NALF1: variants seen among roughly 807,000 people sequenced by gnomAD.
NALF1 encodes the protein family with sequence similarity 155 member A.
A neutral mutation model predicts 48.4 loss-of-function variants in NALF1; 3 were observed. The ratio of observed to expected loss-of-function variants is 0.06; its 90% CI spans 0.03 to 0.16. The LOEUF is 0.16. NALF1 is among the 10% of genes least tolerant of loss of function. NALF1 has a pLI of 1.00. For missense variants in NALF1, 526 were observed against 571.5 expected (o/e 0.92, Z 0.81); for synonymous variants, 262 against 245.7 (o/e 1.07, Z -0.62).
rs554216478 is a variant in NALF1 at position 107,362,243 on chromosome 13, A to G, written c.916-151488T>C. On this transcript the variant is annotated intron_variant, in intron 1 of 2. Transcript: ENST00000375915. This position sits in a 1 kb window ranked among gnomAD's most constrained non-coding sequence, Gnocchi z 4.6. ...GGTGACAGCTTTATGATATTCATGT[A>G]AACAGGAAGGAATAGTTGTATTCAT... 1.4e-4 allele frequency among the ~76,000 whole-genome samples: 21 copies of G among 152,278 alleles called. No individual in the cohort carries two copies. The South Asian group carries it at 4.4e-3, about 32-fold the overall frequency.
chr13:107,655,745 C>T (rs1454584244), intron 1 of NALF1, among the ~76,000 whole-genome samples: 3 of 151,940 alleles, frequency 2.0e-5, no homozygotes, highest in African/African-American at 7.3e-5. Flanking sequence ...CATCACATTA[C>T]CTGATTTCAA....
chr13:107,559,576 C>G (rs1877584364), intron 1 of NALF1, among the ~76,000 whole-genome samples: 1 of 152,116 alleles, frequency 6.6e-6, no homozygotes, highest in Non-Finnish European at 1.5e-5. Flanking sequence ...TATACGGTGT[C>G]CCTGTGCATC....
intron 1 of NALF1, among the ~76,000 whole-genome samples, chr13:107,696,883 T>C (rs1425089172): frequency 6.6e-6 from 1 of 152,160 alleles, no homozygotes; most frequent in African/African-American, 2.4e-5. Flanking sequence ...TACTTTTACA[T>C]TCATATACAT....
intron 1 of NALF1, among the ~76,000 whole-genome samples, chr13:107,794,128 T>C (rs1042242914): frequency 2.0e-5 from 3 of 152,212 alleles, no homozygotes; most frequent in Non-Finnish European, 4.4e-5. Context: ...AATTTATATG[T>C]AACCTACAGC....
At chr13:107,548,824 G>C (rs1332175063) in intron 1 of NALF1, among the ~76,000 whole-genome samples, 1 of 151,884 alleles carries the variant, frequency 6.6e-6, no homozygotes, top group African/African-American at 2.4e-5. Flanking sequence ...ACGTGTGTGT[G>C]TGTGTTTGTA....
At chr13:107,467,124 A>G (rs1349445825) in intron 1 of NALF1, among the ~76,000 whole-genome samples, 1 of 152,154 alleles carries the variant, frequency 6.6e-6, no homozygotes, top group African/African-American at 2.4e-5. Flanking sequence ...TTAATTCAAC[A>G]TATTCTTGAA....
chr13:107,764,697 T>G (rs1877374065), intron 1 of NALF1, among the ~76,000 whole-genome samples: 1 of 152,152 alleles, frequency 6.6e-6, no homozygotes, highest in South Asian at 2.1e-4. Flanking sequence ...GAGAAGTCTC[T>G]CCTATCATAA....
At chr13:107,755,134 T>C (rs1488000137) in intron 1 of NALF1, among the ~76,000 whole-genome samples, 1 of 152,180 alleles carries the variant, frequency 6.6e-6, no homozygotes, top group Non-Finnish European at 1.5e-5. Flanking sequence ...TGTTATTTTT[T>C]TTTTGCTTGT....
At chr13:107,299,681 CTTAT>C (rs59861743) in intron 1 of NALF1, among the ~76,000 whole-genome samples, 41,752 of 148,032 alleles carry the variant, frequency 0.28, 6,219 homozygotes, top group African/African-American at 0.31. Context: ...AGAACTGTTC[CTTAT>C]TTATTTATTT....
intron 1 of NALF1, among the ~76,000 whole-genome samples, chr13:107,677,963 G>C (rs899367775): frequency 3.3e-5 from 5 of 152,108 alleles, no homozygotes; most frequent in African/African-American, 1.2e-4. Flanking sequence ...AACGTCCATA[G>C]CATATTTCTG....
intron 1 of NALF1, among the ~76,000 whole-genome samples, chr13:107,369,056 A>G (rs9583168): frequency 0.022 from 3,363 of 152,296 alleles, 111 homozygotes; most frequent in African/African-American, 0.077. Flanking sequence ...TTGTGTGTCA[A>G]AAATTCCCAA....
intron 1 of NALF1, among the ~76,000 whole-genome samples, chr13:107,738,458 C>G (rs1197528366): frequency 6.6e-6 from 1 of 152,132 alleles, no homozygotes; most frequent in African/African-American, 2.4e-5. Context: ...TCTCCCCGTT[C>G]CCTTGTCCCC....
intron 1 of NALF1, among the ~76,000 whole-genome samples, chr13:107,315,667 C>T (rs943465622): frequency 6.6e-6 from 1 of 151,930 alleles, no homozygotes; most frequent in Non-Finnish European, 1.5e-5. Context: ...GTCTTCCACC[C>T]TTACCAAGAG....
chr13:107,775,802 T>C (rs893919441), intron 1 of NALF1, among the ~76,000 whole-genome samples: 4 of 152,092 alleles, frequency 2.6e-5, no homozygotes, highest in Admixed American at 6.5e-5. Context: ...TACAACAATA[T>C]AGAAAAGTAT....
chr13:107,547,290 T>C (rs1653948721), intron 1 of NALF1, among the ~76,000 whole-genome samples: 1 of 152,148 alleles, frequency 6.6e-6, no homozygotes, highest in African/African-American at 2.4e-5. Context: ...ACTGTTCTAT[T>C]GAAACTGAAA....
intron 1 of NALF1, among the ~76,000 whole-genome samples, chr13:107,722,206 T>C (rs554154599): frequency 6.6e-6 from 1 of 152,210 alleles, no homozygotes; most frequent in South Asian, 2.1e-4. Context: ...CTCATATCCT[T>C]TCTGTATTCA....
chr13:107,843,085 G>A (rs1379152770), intron 1 of NALF1, among the ~76,000 whole-genome samples: 2 of 152,190 alleles, frequency 1.3e-5, no homozygotes, highest in East Asian at 3.8e-4. Context: ...ATGGCCAGCA[G>A]ACCATTAATG....
intron 2 of NALF1, among the ~76,000 whole-genome samples, chr13:107,204,386 C>A (rs552485460): frequency 6.2e-4 from 95 of 152,332 alleles, no homozygotes; most frequent in African/African-American, 2.2e-3. Flanking sequence ...TGGCACTGGG[C>A]TCAGTACTCT....
chr13:107,583,607 T>G (rs1403435463), intron 1 of NALF1, among the ~76,000 whole-genome samples: 1 of 152,172 alleles, frequency 6.6e-6, no homozygotes, highest in Non-Finnish European at 1.5e-5. Flanking sequence ...GCTCTCAGTG[T>G]AACTGATATT....
Sources: gnomAD v4.1 joint callset for allele counts (sites outside exome capture counted in the v4.1 genomes callset) on GRCh38, gnomAD v4.1.1 for gene constraint, Gnocchi (gnomAD v3.1) non-coding constraint, MANE v1.5 for transcripts, NCBI Gene and HGNC (gene_info 2026-07-23, HGNC 2026-07-21) for gene names.